CELF2: variants seen among roughly 807,000 people sequenced by gnomAD.
The protein encoded by CELF2 is CUGBP Elav-like family member 2.
A neutral mutation model predicts 62.6 loss-of-function variants in CELF2; 8 were observed. The observed-to-expected ratio is 0.13, with a 90% confidence interval of 0.07 to 0.23. The LOEUF (loss-of-function observed/expected upper bound fraction) is 0.23, where lower values mean the gene tolerates loss of function less well. Among genes scored for constraint, CELF2 ranks in the 10% least tolerant of loss-of-function variants. The probability of loss-of-function intolerance (pLI) is 1.00; values close to 1 mark genes in which losing one functional copy is unlikely to be tolerated. For missense variants in CELF2, 333 were observed against 671.0 expected (o/e 0.50, Z 5.56); for synonymous variants, 258 against 250.0 (o/e 1.03, Z -0.30).
intron 1 of CELF2, among the ~76,000 whole-genome samples, chr10:11,122,066 G>A (rs187519515): frequency 6.6e-6 from 1 of 152,196 alleles, no homozygotes; most frequent in Non-Finnish European, 1.5e-5. Flanking sequence ...TATAATTGAG[G>A]CATCTCTGGC....
At chr10:10,829,542 C>A (rs1321313316) in intron 1 of CELF2, among the ~76,000 whole-genome samples, 1 of 152,108 alleles carries the variant, frequency 6.6e-6, no homozygotes, top group African/African-American at 2.4e-5. Context: ...CAATTTGTGC[C>A]ATAATTTTAT....
chr10:10,797,737 C>T (rs1036432922), upstream of CELF2, among the ~76,000 whole-genome samples: 1 of 152,124 alleles, frequency 6.6e-6, no homozygotes, highest in African/African-American at 2.4e-5. Context: ...GCTTCAGCTG[C>T]GGAGGTCTTA....
rs904718947 is a variant in CELF2 at position 11,274,974 on chromosome 10, G to A, written c.778-83G>A. Reference sequence around the variant, plus strand: ...TAGCAACCAACCCTGGAAATGCAGAGTAAACTGAATTTGTCCCCAGTTTAA... The same window carrying A: ...TAGCAACCAACCCTGGAAATGCAGAATAAACTGAATTTGTCCCCAGTTTAA... On this transcript the variant is annotated intron_variant, in intron 7 of 12. Coordinates refer to ENST00000633077, the MANE Select transcript of CELF2 (RefSeq NM_001326342.2). 6 of 1,323,024 alleles carry A rather than the reference G, an allele frequency of 4.5e-6. No homozygotes were observed. In the African/African-American group the frequency reaches 5.8e-5, roughly 13 times the overall value. The allele number at this position is 1,323,024 out of a possible 1,614,324, so 82.0% of individuals were successfully genotyped here. A position where few individuals can be genotyped will look rare whatever the true frequency, so the allele number is the denominator to read the frequency against.
At chr10:10,905,755 G>A (rs1278956903) in intron 1 of CELF2, among the ~76,000 whole-genome samples, 1 of 152,064 alleles carries the variant, frequency 6.6e-6, no homozygotes, top group Non-Finnish European at 1.5e-5. Flanking sequence ...GCGGGCAACT[G>A]TAGTCCCAGC....
intron 8 of CELF2, among the ~76,000 whole-genome samples, chr10:11,283,230 G>A (rs536334866): frequency 6.4e-4 from 98 of 152,278 alleles, no homozygotes; most frequent in Middle Eastern, 3.4e-3. Flanking sequence ...CATCCCCATC[G>A]AATCAAAGAC....
In CELF2 at chr10:10,831,338, A is replaced by G. The variant is rs556126957; in HGVS notation, c.53+32521A>G. ...GTGACTCACACTGAGGGCAGTCAGG[A>G]CACTTCTGGAACAAGGTTTCCGAAG... On this transcript the variant is annotated intron_variant, in intron 1 of 13. Transcript: ENST00000636488. Among the ~76,000 whole-genome samples the G allele has an allele frequency of 3.1e-4, 47 of 152,350 alleles. 1 individual carries two copies. The highest frequency in any genetic ancestry group is 1.1e-3 in the African/African-American group (47 of 41,580).
chr10:10,630,132 T>C, the CELF2 span, among the ~76,000 whole-genome samples: 2 of 152,172 alleles, frequency 1.3e-5, no homozygotes, highest in South Asian at 2.1e-4. Context: ...CTTCCTCTAA[T>C]GCAATAATTT....
intron 3 of CELF2, among the ~76,000 whole-genome samples, chr10:11,229,901 C>T (rs2068004656): frequency 6.6e-6 from 1 of 152,158 alleles, no homozygotes; most frequent in South Asian, 2.1e-4. Flanking sequence ...AGTATTTTTA[C>T]AGCTTCCCAA....
At chr10:10,543,502 A>G in the CELF2 span, among the ~76,000 whole-genome samples, 1 of 152,162 alleles carries the variant, frequency 6.6e-6, no homozygotes, top group Non-Finnish European at 1.5e-5. Context: ...AGAAACTCAC[A>G]TGTAAACAAC....
the CELF2 span, among the ~76,000 whole-genome samples, chr10:10,622,167 A>G: frequency 1.3e-5 from 2 of 152,220 alleles, no homozygotes; most frequent in Non-Finnish European, 2.9e-5. Context: ...AGGCGCTGCC[A>G]GGGTAAAAGC....
chr10:11,209,893 T>G (rs77166967), intron 2 of CELF2, among the ~76,000 whole-genome samples: 5,018 of 152,312 alleles, frequency 0.033, 144 homozygotes, highest in African/African-American at 0.066. Context: ...TGACTTAAAC[T>G]GGCTTGCATG....
chr10:10,486,753 A>G, the CELF2 span, among the ~76,000 whole-genome samples: 3 of 152,140 alleles, frequency 2.0e-5, no homozygotes, highest in African/African-American at 7.2e-5. Flanking sequence ...TTGGATTTTG[A>G]AAAGTAATCT....
At chr10:10,693,872 T>C in the CELF2 span, among the ~76,000 whole-genome samples, 1 of 149,856 alleles carries the variant, frequency 6.7e-6, no homozygotes, top group Non-Finnish European at 1.5e-5. Flanking sequence ...CTTTATCATT[T>C]TTTATTGCGT....
the CELF2 span, among the ~76,000 whole-genome samples, chr10:10,478,772 G>C: frequency 6.6e-6 from 1 of 152,172 alleles, no homozygotes; most frequent in East Asian, 1.9e-4. Flanking sequence ...TTTGGAAGCA[G>C]ACCTCCATCA....
chr10:11,014,946 A>T (rs1326140206), upstream of CELF2, among the ~76,000 whole-genome samples: 1 of 152,180 alleles, frequency 6.6e-6, no homozygotes, highest in South Asian at 2.1e-4. Context: ...ATTGTTCAGG[A>T]CAGCCTGGTC....
intron 1 of CELF2, among the ~76,000 whole-genome samples, chr10:10,888,057 G>A (rs1350028219): frequency 6.6e-6 from 1 of 152,234 alleles, no homozygotes; most frequent in Non-Finnish European, 1.5e-5. Flanking sequence ...ACAGGCGTGA[G>A]CCACCGCACC....
the CELF2 span, among the ~76,000 whole-genome samples, chr10:10,762,074 A>G: frequency 2.0e-5 from 3 of 152,260 alleles, no homozygotes; most frequent in Admixed American, 6.5e-5. Flanking sequence ...TGGCAAATGA[A>G]TTCATTAGAA....
At chr10:10,752,688 C>CAA in the CELF2 span, among the ~76,000 whole-genome samples, 30,793 of 58,680 alleles carry the variant, frequency 0.52, 6,885 homozygotes, top group African/African-American at 0.58. Context: ...GACTCCGTCT[C>CAA]AAAAAAAAAA....
rs1008939349 is a variant in CELF2, at chr10:11,156,730, G to A, written c.75-8756G>A. Among the ~76,000 whole-genome samples the A allele has an allele frequency of 3.9e-5, 6 of 152,108 alleles. No individual in the cohort carries two copies. Among genetic ancestry groups the A allele is most frequent in the Non-Finnish European group, 5.9e-5 (4 of 68,024 alleles). ...GCACTTGATGGGGCTTCCGTGAATC[G>A]CTGTTTCTGAGGTTCCGCGGTCAGA... is the stretch of plus-strand genomic sequence containing the variant. On this transcript the variant is annotated intron_variant, in intron 1 of 12. Coordinates refer to ENST00000633077, the MANE Select transcript of CELF2 (RefSeq NM_001326342.2). The surrounding 1 kb of genome is among the most constrained non-coding windows in gnomAD (Gnocchi z 4.3).
Sources: gnomAD v4.1 joint callset for allele counts (sites outside exome capture counted in the v4.1 genomes callset) on GRCh38, gnomAD v4.1.1 for gene constraint, Gnocchi (gnomAD v3.1) non-coding constraint, MANE v1.5 for transcripts, NCBI Gene and HGNC (gene_info 2026-07-23, HGNC 2026-07-21) for gene names.